Variants in CTNNA3 observed in about 807,000 individuals in gnomAD.
CTNNA3 encodes the protein catenin alpha 3.
CTNNA3 carries 76 observed loss-of-function variants against 95.7 expected under a neutral mutation model. The observed-to-expected ratio is 0.79, with a 90% CI of 0.66 to 0.96. The LOEUF (loss-of-function observed/expected upper bound fraction) is 0.96. Among genes scored for constraint, CTNNA3 ranks in the 40% least tolerant of loss-of-function variants. The pLI, the probability that CTNNA3 is intolerant of heterozygous loss-of-function variation, is 0.00. For missense variants in CTNNA3, 1,191 were observed against 1,089.8 expected, an observed-to-expected ratio of 1.09 and a Z score of -1.31; for synonymous variants, 431 against 374.4, an observed-to-expected ratio of 1.15 and a Z score of -1.74.
intron 1 of CTNNA3, among the ~76,000 whole-genome samples, chr10:67,719,606 G>A (rs1469797779): frequency 2.0e-5 from 3 of 152,072 alleles, no homozygotes; most frequent in African/African-American, 4.8e-5. Context: ...GTAGTTGAGC[G>A]GTTTTGAGTG....
At chr10:66,557,217 C>T (rs569220129) in intron 10 of CTNNA3, among the ~76,000 whole-genome samples, 15 of 152,044 alleles carry the variant, frequency 9.9e-5, no homozygotes, top group Non-Finnish European at 1.9e-4. Context: ...ACATATGCTA[C>T]AAAATGGGGA....
intron 5 of CTNNA3, among the ~76,000 whole-genome samples, chr10:67,497,543 C>A (rs1839066424): frequency 6.6e-6 from 1 of 152,074 alleles, no homozygotes; most frequent in Non-Finnish European, 1.5e-5. Context: ...GTTTACATAC[C>A]CATCAACAGT....
chr10:66,784,405 AT>A (rs1327340831), intron 7 of CTNNA3, among the ~76,000 whole-genome samples: 3 of 152,134 alleles, frequency 2.0e-5, no homozygotes, highest in Non-Finnish European at 4.4e-5. Context: ...ATGAAACTTG[AT>A]TTGTGCAGAC....
intron 5 of CTNNA3, among the ~76,000 whole-genome samples, chr10:67,463,804 T>C (rs1383671153): frequency 1.3e-5 from 2 of 152,188 alleles, no homozygotes; most frequent in East Asian, 1.9e-4. Flanking sequence ...CCATAGACAA[T>C]ACATTTTTTA....
chr10:67,499,103 C>T (rs988263669), intron 5 of CTNNA3, among the ~76,000 whole-genome samples: 12 of 152,044 alleles, frequency 7.9e-5, no homozygotes, highest in African/African-American at 1.4e-4. Context: ...TTTTGAGATA[C>T]GTTCCATCAA....
At chr10:67,162,330 A>C (rs1240867632) in intron 7 of CTNNA3, among the ~76,000 whole-genome samples, 1 of 152,010 alleles carries the variant, frequency 6.6e-6, no homozygotes, top group Non-Finnish European at 1.5e-5. Context: ...ATAAGGGTAA[A>C]TACATATTAT....
At chr10:67,174,836 T>G (rs1862164771) in intron 7 of CTNNA3, among the ~76,000 whole-genome samples, 1 of 152,100 alleles carries the variant, frequency 6.6e-6, no homozygotes, top group Non-Finnish European at 1.5e-5. Context: ...TGACCTTGGT[T>G]GATATCTCTG....
chr10:67,056,256 C>G (rs1855422440), intron 7 of CTNNA3, among the ~76,000 whole-genome samples: 1 of 151,978 alleles, frequency 6.6e-6, no homozygotes, highest in Non-Finnish European at 1.5e-5. Context: ...GCCTGTGGAC[C>G]CACTAGGATG....
chr10:66,502,040 A>AT (rs552171820), intron 11 of CTNNA3, among the ~76,000 whole-genome samples: 203 of 151,950 alleles, frequency 1.3e-3, no homozygotes, highest in African/African-American at 4.4e-3. Context: ...GAATAAAAGT[A>AT]TTTTTTTAAT....
At chr10:66,058,431 C>T (rs1056985441) in intron 15 of CTNNA3, among the ~76,000 whole-genome samples, 5 of 152,272 alleles carry the variant, frequency 3.3e-5, no homozygotes, top group African/African-American at 1.2e-4. Context: ...AGTTCTTCAT[C>T]CACCATCCCT....
chr10:65,942,500 G>T (rs1184135040), intron 17 of CTNNA3, among the ~76,000 whole-genome samples: 1 of 152,184 alleles, frequency 6.6e-6, no homozygotes, highest in Non-Finnish European at 1.5e-5. Context: ...CTGCACTCCA[G>T]TCTGGTGACA....
At chr10:66,035,305 G>C (rs1356744106) in intron 15 of CTNNA3, among the ~76,000 whole-genome samples, 1 of 152,116 alleles carries the variant, frequency 6.6e-6, no homozygotes, top group Non-Finnish European at 1.5e-5. Context: ...TACAGACATG[G>C]GGGGTCTAAG....
chr10:67,031,371 C>A (rs1853715408), intron 7 of CTNNA3, among the ~76,000 whole-genome samples: 1 of 152,172 alleles, frequency 6.6e-6, no homozygotes, highest in African/African-American at 2.4e-5. Context: ...AGTGTCAGAT[C>A]TAAGAATATC....
chr10:66,695,797 C>T (rs569509883), intron 9 of CTNNA3, among the ~76,000 whole-genome samples: 1 of 151,456 alleles, frequency 6.6e-6, no homozygotes, highest in South Asian at 2.1e-4. Context: ...TAGCATGAAA[C>T]AGCAGAAGTT....
At chr10:67,156,085 T>C (rs1861299011) in intron 7 of CTNNA3, among the ~76,000 whole-genome samples, 1 of 152,154 alleles carries the variant, frequency 6.6e-6, no homozygotes, top group South Asian at 2.1e-4. Context: ...TAGTGTAGAA[T>C]TGTTCACAGT....
intron 5 of CTNNA3, among the ~76,000 whole-genome samples, chr10:67,238,190 A>G (rs779976921): frequency 3.3e-5 from 5 of 152,198 alleles, no homozygotes; most frequent in Non-Finnish European, 5.9e-5. Flanking sequence ...ATACACATGA[A>G]TCTAGACTTC....
chr10:67,236,516 T>TGGGGGGGGGGGGGGGGGG (rs1283943786), intron 5 of CTNNA3, among the ~76,000 whole-genome samples: 1 of 22,524 alleles, frequency 4.4e-5, no homozygotes, highest in African/African-American at 1.2e-4. Context: ...TGTTGTGGGG[T>TGGGGGGGGGGGGGGGGGG]GGGGGGGGTG....
chr10:66,311,498 A>G (rs1173899015), intron 12 of CTNNA3, among the ~76,000 whole-genome samples: 2 of 152,208 alleles, frequency 1.3e-5, no homozygotes, highest in East Asian at 3.9e-4. Flanking sequence ...TACAGAGTAC[A>G]TGACAGTGAT....
At chr10:66,385,805 A>T (rs1358217447) in intron 11 of CTNNA3, among the ~76,000 whole-genome samples, 1 of 152,146 alleles carries the variant, frequency 6.6e-6, no homozygotes, top group East Asian at 1.9e-4. Flanking sequence ...ATCAGTAAAC[A>T]TAATCCATCA....
Sources: allele counts gnomAD v4.1 joint callset (sites outside exome capture counted in the v4.1 genomes callset), GRCh38; gene constraint gnomAD v4.1.1; transcripts MANE v1.5; gene names NCBI Gene and HGNC (gene_info 2026-07-23, HGNC 2026-07-21).